Variants in PAPPA2 observed in about 807,000 individuals in gnomAD.
The protein encoded by PAPPA2 is pappalysin 2, also known as pappalysin-2.
In PAPPA2, 86 loss-of-function variants were observed where a neutral mutation model predicts 176.4. That is an observed-to-expected ratio of 0.49 (90% CI 0.41 to 0.58). The LOEUF (loss-of-function observed/expected upper bound fraction) is 0.58. Among genes scored for constraint, PAPPA2 ranks in the 20% least tolerant of loss-of-function variants. The probability of loss-of-function intolerance (pLI) is 0.00; values close to 1 mark genes in which losing one functional copy is unlikely to be tolerated. For synonymous variants in PAPPA2, 809 were observed against 852.2 expected, an observed-to-expected ratio of 0.95 and a Z score of 0.88; for missense variants, 2,073 against 2,256.9, an observed-to-expected ratio of 0.92 and a Z score of 1.65.
chr1:176,688,567 G>A (rs888908555), intron 4 of PAPPA2, among the ~76,000 whole-genome samples: 2 of 152,144 alleles, frequency 1.3e-5, no homozygotes, highest in African/African-American at 2.4e-5. Context: ...AATAAAAAAG[G>A]ATAAGTTTAG....
chr1:176,695,964 GTA>G (rs1327888387), intron 7 of PAPPA2, 105 bp downstream of exon 7: 111 of 1,254,736 alleles, frequency 8.8e-5, no homozygotes, highest in Middle Eastern at 8.5e-4. Context: ...CAATGTATGT[GTA>G]TGTGTGTGTG....
intron 2 of PAPPA2, among the ~76,000 whole-genome samples, chr1:176,568,538 A>G (rs767056274): frequency 2.2e-4 from 33 of 152,316 alleles, no homozygotes; most frequent in African/African-American, 7.2e-4. Flanking sequence ...TGTTGTCACT[A>G]TCTTTTATCT....
chr1:176,492,110 T>A lies in PAPPA2; in HGVS notation c.-917+28692T>A, dbSNP rs1224683849. Among the ~76,000 whole-genome samples, 3 of 152,292 alleles carry A rather than the reference T, an allele frequency of 2.0e-5. No homozygotes were observed. In the East Asian group the frequency reaches 5.8e-4, roughly 29 times the overall value. On this transcript the variant is annotated intron_variant, in intron 1 of 22. Transcript: ENST00000367662. ...ACAGCAAGATGTGAGGATTTGCCAA[T>A]GACAAACATCCCTACAACTAGAGGG...
At chr1:176,783,015 A>T (rs1370266357) in intron 17 of PAPPA2, among the ~76,000 whole-genome samples, 4 of 152,204 alleles carry the variant, frequency 2.6e-5, no homozygotes, top group Admixed American at 6.5e-5. Flanking sequence ...TGAGAGGAAG[A>T]ATAGAATCAG....
chr1:176,493,952 T>A lies in PAPPA2; in HGVS notation c.-917+30534T>A, dbSNP rs75060067. 4.0e-3 allele frequency among the ~76,000 whole-genome samples: 603 copies of A among 152,320 alleles called. 5 individuals are homozygous for A. The highest frequency in any genetic ancestry group is 0.014 in the African/African-American group (583 of 41,548). On this transcript the variant is annotated intron_variant, in intron 1 of 22. Coordinates refer to ENST00000367662, the MANE Select transcript of PAPPA2 (RefSeq NM_020318.3). Reference sequence around the variant, plus strand: ...ATTGGCCTGGCTCAATATTGCTGTTTAATTGTGTTTTACCATTCAAAACCT... The same window carrying A: ...ATTGGCCTGGCTCAATATTGCTGTTAAATTGTGTTTTACCATTCAAAACCT...
At chr1:176,570,747 G>C (rs1352169189) in intron 2 of PAPPA2, among the ~76,000 whole-genome samples, 1 of 150,708 alleles carries the variant, frequency 6.6e-6, no homozygotes, top group African/African-American at 2.4e-5. Context: ...AGAGGAGGGG[G>C]CACAAGGAGG....
chr1:176,473,088 T>C (rs1243487351), intron 1 of PAPPA2, among the ~76,000 whole-genome samples: 1 of 152,178 alleles, frequency 6.6e-6, no homozygotes. Context: ...TTACATTCTA[T>C]AGATTTTGAA....
At chr1:176,637,290 T>C (rs1656759279) in intron 3 of PAPPA2, among the ~76,000 whole-genome samples, 1 of 152,092 alleles carries the variant, frequency 6.6e-6, no homozygotes, top group Non-Finnish European at 1.5e-5. Flanking sequence ...TGAAGAGCCA[T>C]GGTTGGCTTT....
In PAPPA2 at chr1:176,799,775, T is replaced by G. The variant is rs115625291; in HGVS notation, c.5131-286T>G. ...TCATTATAATATTGAGGATGCTTTTTTAAACCACACTACACCACTCTGAAA... is the reference window on the plus strand; with the variant it reads ...TCATTATAATATTGAGGATGCTTTTGTAAACCACACTACACCACTCTGAAA... On this transcript the variant is annotated intron_variant, in intron 20 of 22. Coordinates refer to ENST00000367662, the MANE Select transcript of PAPPA2 (RefSeq NM_020318.3). Among the ~76,000 whole-genome samples, 1,409 of 152,298 alleles carry G rather than the reference T, an allele frequency of 9.3e-3. 22 individuals are homozygous for G. The highest frequency in any genetic ancestry group is 0.032 in the African/African-American group (1,343 of 41,560).
intron 12 of PAPPA2, among the ~76,000 whole-genome samples, chr1:176,719,785 G>A (rs77193862): frequency 6.2e-4 from 95 of 152,012 alleles, no homozygotes; most frequent in African/African-American, 2.2e-3. Flanking sequence ...TATTTGCTAC[G>A]TGTTCATCCT....
chr1:176,599,298 A>T (rs1654167898), intron 3 of PAPPA2, among the ~76,000 whole-genome samples: 1 of 151,696 alleles, frequency 6.6e-6, no homozygotes. Context: ...TTTTTTAGGG[A>T]TTGCCTTTTA....
chr1:176,556,066 A>C lies in PAPPA2; in HGVS notation c.-257A>C. 1 of 470,226 alleles carries C rather than the reference A, an allele frequency of 2.1e-6. No individual in the cohort carries two copies. The allele number at this position is 470,226 out of a possible 1,614,324, so 29.1% of individuals were successfully genotyped here. A position where few individuals can be genotyped will look rare whatever the true frequency, so the allele number is the denominator to read the frequency against. On this transcript the variant is annotated 5_prime_UTR_variant, in exon 2 of 23. Transcript: ENST00000367662. ...GTTCTGCAAGGACTAAAGTACAGCAAGAGGAGAGAGGTCAAGCGAGAAGCG... is the reference window on the plus strand; with the variant it reads ...GTTCTGCAAGGACTAAAGTACAGCACGAGGAGAGAGGTCAAGCGAGAAGCG...
chr1:176,634,968 TA>T (rs1385535979), intron 3 of PAPPA2, among the ~76,000 whole-genome samples: 2 of 60,090 alleles, frequency 3.3e-5, no homozygotes, highest in Non-Finnish European at 7.3e-5. Flanking sequence ...GATAGATAAA[TA>T]GATAGATAGA....
Position 176,594,636 on chromosome 1 carries a change from C to A in PAPPA2, c.1032C>A (p.Thr344=), listed in dbSNP as rs201643892. 40 of 1,614,068 alleles carry A rather than the reference C, an allele frequency of 2.5e-5. No individual in the cohort carries two copies. Among genetic ancestry groups the A allele is most frequent in the Non-Finnish European group, 3.3e-5 (39 of 1,180,042 alleles). The change falls in exon 3 of 23, where the codon ACC becomes ACA. Residue 344 remains threonine, a synonymous_variant. Coordinates refer to ENST00000367662, the MANE Select transcript of PAPPA2 (RefSeq NM_020318.3). ...CTCGCTTCTTCTTCTCCCTCTGCAC[C>A]GACCGCGTGAAGAAAGCCACCATCT... ...RDARFFFSLC[T]DRVKKATILI... is the part of the protein sequence containing the mutation.
rs1232105518 is a variant in PAPPA2 at position 176,843,261 on chromosome 1, G to A, written c.*807G>A. On this transcript the variant is annotated 3_prime_UTR_variant, in exon 23 of 23. Coordinates refer to ENST00000367662, the MANE Select transcript of PAPPA2 (RefSeq NM_020318.3). The stretch of plus-strand genomic sequence containing the variant: ...CTTTTTTTTTATGACCTGGGAGCTG[G>A]GCCCATTTTATGACCAAGGAGATGG... The A allele has an allele frequency of 6.6e-6, 1 of 151,944 alleles. No individual in the cohort carries two copies. Among genetic ancestry groups the A allele is most frequent in the Middle Eastern group, 3.2e-3 (1 of 316 alleles). The allele number at this position is 151,944 out of a possible 1,614,324, so 9.4% of individuals were successfully genotyped here. A position where few individuals can be genotyped will look rare whatever the true frequency, so the allele number is the denominator to read the frequency against.
intron 16 of PAPPA2, among the ~76,000 whole-genome samples, 184 bp from the exon 17 acceptor site, chr1:176,770,783 T>A (rs1422363238): frequency 1.3e-5 from 2 of 152,210 alleles, no homozygotes; most frequent in African/African-American, 4.8e-5. Context: ...TCACACTGGA[T>A]GCTCTGTAAG....
intron 21 of PAPPA2, among the ~76,000 whole-genome samples, chr1:176,819,688 G>A (rs543496315): frequency 9.2e-5 from 14 of 152,320 alleles, no homozygotes; most frequent in Admixed American, 2.6e-4. Flanking sequence ...GCTGAGCCGA[G>A]GCATAGCCAT....
chr1:176,705,058 T>A (rs555262947), intron 9 of PAPPA2, among the ~76,000 whole-genome samples: 34 of 152,318 alleles, frequency 2.2e-4, no homozygotes, highest in African/African-American at 7.9e-4. Flanking sequence ...CCTCCAAGAT[T>A]ATTCCTGGAC....
In PAPPA2 at chr1:176,842,481, T is replaced by A. The variant is rs751494141; in HGVS notation, c.*27T>A. 1.3e-6 allele frequency: 2 copies of A among 1,598,574 alleles called. No homozygotes were observed. Among genetic ancestry groups the A allele is most frequent in the Non-Finnish European group, 1.7e-6 (2 of 1,166,728 alleles). On this transcript the variant is annotated 3_prime_UTR_variant, in exon 23 of 23. Transcript: ENST00000367662. ...TGTGGGAACAAGCCCCTCCCTCCACTGCCTCAGAGGCAGTAAGAAAGAGAG... is the reference window on the plus strand; with the variant it reads ...TGTGGGAACAAGCCCCTCCCTCCACAGCCTCAGAGGCAGTAAGAAAGAGAG...
Sources: gnomAD v4.1 joint callset for allele counts (sites outside exome capture counted in the v4.1 genomes callset) on GRCh38, gnomAD v4.1.1 for gene constraint, MANE v1.5 for transcripts, NCBI Gene and HGNC (gene_info 2026-07-23, HGNC 2026-07-21) for gene names.